PTPRD: variants seen among roughly 807,000 people sequenced by gnomAD.
PTPRD encodes the protein protein tyrosine phosphatase receptor type D.
Under a neutral mutation model 214.5 loss-of-function variants are expected in PTPRD, and 34 were observed. The observed-to-expected ratio is 0.16, with a 90% CI of 0.12 to 0.21. The LOEUF is 0.21. Among genes scored for constraint, PTPRD ranks in the 10% least tolerant of loss-of-function variants. The pLI is 1.00. For missense variants in PTPRD, 2,545 were observed against 2,398.7 expected (o/e 1.06, Z -1.27); for synonymous variants, 1,128 against 845.7 (o/e 1.33, Z -5.79).
At position 9,310,920 on chromosome 9, in the gene PTPRD, G is replaced by GATAAATAA. The variant is rs146963669; in HGVS notation, c.-203+86521_-203+86528dup. Among the ~76,000 whole-genome samples, 1,015 of 138,516 alleles carry GATAAATAA rather than the reference G, an allele frequency of 7.3e-3. 3 individuals carry two copies. Among genetic ancestry groups the GATAAATAA allele is most frequent in the South Asian group, 0.01 (42 of 4,182 alleles). 90.9% of individuals were successfully genotyped at this position (138,516 alleles called of 152,430 possible). On this transcript the variant is annotated intron_variant, in intron 9 of 45. Coordinates refer to ENST00000381196, the MANE Select transcript of PTPRD (RefSeq NM_002839.4). ...GCAACAAGAGCAAAGCTGTGTCTCA[G>GATAAATAA]ATAAATAAATAAATAAATAAATAAA...
chr9:10,201,915 G>A (rs1385259431), intron 3 of PTPRD, among the ~76,000 whole-genome samples: 1 of 151,226 alleles, frequency 6.6e-6, no homozygotes. Context: ...TTTTTCCAGT[G>A]TGTTTTTCTA....
intron 9 of PTPRD, among the ~76,000 whole-genome samples, chr9:9,370,022 T>C (rs1342105723): frequency 1.3e-5 from 2 of 152,192 alleles, no homozygotes; most frequent in African/African-American, 2.4e-5. Context: ...AGCCTTGTAG[T>C]ATAGTTTGAA....
chr9:8,537,394 T>C (rs555411678), intron 14 of PTPRD, among the ~76,000 whole-genome samples: 7 of 152,088 alleles, frequency 4.6e-5, no homozygotes, highest in African/African-American at 1.7e-4. Flanking sequence ...ATACGATAAA[T>C]ATAAGATCTG....
intron 2 of PTPRD, among the ~76,000 whole-genome samples, chr9:10,538,229 G>C (rs1385662033): frequency 6.9e-6 from 1 of 145,914 alleles, no homozygotes; most frequent in East Asian, 2.0e-4. Flanking sequence ...AGGTGAGAAA[G>C]CCTCATCATA....
intron 6 of PTPRD, among the ~76,000 whole-genome samples, chr9:9,746,611 T>C (rs1027799462): frequency 2.6e-5 from 4 of 152,146 alleles, no homozygotes; most frequent in Non-Finnish European, 5.9e-5. Context: ...AATTGGGATA[T>C]GAGTGTTGCT....
intron 2 of PTPRD, among the ~76,000 whole-genome samples, chr9:10,502,752 A>G (rs1404598308): frequency 2.0e-5 from 3 of 152,110 alleles, no homozygotes; most frequent in African/African-American, 7.2e-5. Flanking sequence ...GCATGTAGTT[A>G]TCTAGCAAAG....
At chr9:8,466,939 G>C (rs2096556225) in intron 31 of PTPRD, among the ~76,000 whole-genome samples, 1 of 151,754 alleles carries the variant, frequency 6.6e-6, no homozygotes, top group African/African-American at 2.4e-5. Flanking sequence ...AATGGCTTCA[G>C]ACTGTATATA....
At position 8,990,142 on chromosome 9, in the gene PTPRD, T is replaced by G. The variant is rs1357120410; in HGVS notation, c.-104+28555A>C. On this transcript the variant is annotated intron_variant, in intron 11 of 45. Transcript: ENST00000381196. ...ACAAAACTTTAATATCTCCAAGTACTTCCATGCACACTAAGAGTACAAGTT... is the reference window on the plus strand; with the variant it reads ...ACAAAACTTTAATATCTCCAAGTACGTCCATGCACACTAAGAGTACAAGTT... Among the ~76,000 whole-genome samples the G allele has an allele frequency of 2.6e-5, 4 of 152,140 alleles. No homozygotes were observed. The East Asian group carries it at 7.7e-4, about 29-fold the overall frequency.
intron 7 of PTPRD, among the ~76,000 whole-genome samples, chr9:9,655,362 G>C (rs1055739913): frequency 7.2e-5 from 11 of 152,114 alleles, no homozygotes; most frequent in Non-Finnish European, 1.6e-4. Context: ...CTGAGGTCAG[G>C]AGTTCAAGAC....
intron 44 of PTPRD, among the ~76,000 whole-genome samples, chr9:8,326,325 A>C (rs904953428): frequency 1.3e-5 from 2 of 152,210 alleles, no homozygotes; most frequent in African/African-American, 4.8e-5. Flanking sequence ...CTATTGAGAT[A>C]ATCATGTGGT....
At chr9:10,323,636 C>G (rs890804500) in intron 3 of PTPRD, among the ~76,000 whole-genome samples, 2 of 151,736 alleles carry the variant, frequency 1.3e-5, no homozygotes, top group African/African-American at 4.8e-5. Flanking sequence ...GGAGAGTCCA[C>G]TGAATGACTG....
chr9:10,363,151 T>C (rs766345364), intron 2 of PTPRD, among the ~76,000 whole-genome samples: 1 of 152,186 alleles, frequency 6.6e-6, no homozygotes, highest in Non-Finnish European at 1.5e-5. Flanking sequence ...AATTTTAATA[T>C]TTATACAACA....
intron 5 of PTPRD, among the ~76,000 whole-genome samples, chr9:9,816,762 T>C (rs1371486290): frequency 6.6e-6 from 1 of 152,010 alleles, no homozygotes. Flanking sequence ...AAGTCATGCA[T>C]AAGGTGCATT....
rs1269683661 is a variant in PTPRD, at chr9:8,517,790, T to C, written c.1543+58A>G. On this transcript the variant is annotated intron_variant, in intron 21 of 45. Transcript: ENST00000381196. ...TGTTCCTTCTTTGTTTTTGTCCTTC[T>C]CACCTCTTTGCACCAGCCCTTCCCT... 2.8e-6 allele frequency: 4 copies of C among 1,440,108 alleles called. No homozygotes were observed. The African/African-American group carries it at 4.3e-5, about 15-fold the overall frequency. 89.2% of individuals were successfully genotyped at this position (1,440,108 alleles called of 1,614,324 possible).
At chr9:9,458,590 T>A (rs2093323670) in intron 8 of PTPRD, among the ~76,000 whole-genome samples, 1 of 152,090 alleles carries the variant, frequency 6.6e-6, no homozygotes, top group South Asian at 2.1e-4. Context: ...TGTTTGTTGT[T>A]GTTGCTGTTG....
At chr9:10,579,201 C>G (rs956962101) in intron 2 of PTPRD, among the ~76,000 whole-genome samples, 2 of 152,138 alleles carry the variant, frequency 1.3e-5, no homozygotes, top group Admixed American at 1.3e-4. Flanking sequence ...AGCCATCATT[C>G]TCAGCAAACT....
intron 4 of PTPRD, among the ~76,000 whole-genome samples, chr9:9,989,274 G>C (rs1012320193): frequency 4.6e-5 from 7 of 152,068 alleles, no homozygotes; most frequent in South Asian, 2.1e-4. Flanking sequence ...CCTTAAATGA[G>C]AGCATGCATT....
chr9:10,245,973 T>A (rs1397805667), intron 3 of PTPRD, among the ~76,000 whole-genome samples: 1 of 152,138 alleles, frequency 6.6e-6, no homozygotes. Context: ...AAAGCAAGAA[T>A]TGAACATGAA....
At chr9:9,986,025 C>T (rs1426988978) in intron 4 of PTPRD, among the ~76,000 whole-genome samples, 2 of 152,076 alleles carry the variant, frequency 1.3e-5, no homozygotes, top group South Asian at 2.1e-4. Flanking sequence ...TACAGGCACC[C>T]AGGAATTTTG....
Sources: allele counts gnomAD v4.1 joint callset (sites outside exome capture counted in the v4.1 genomes callset), GRCh38; gene constraint gnomAD v4.1.1; transcripts MANE v1.5; gene names NCBI Gene and HGNC (gene_info 2026-07-23, HGNC 2026-07-21).